MYOCD: variants seen among roughly 807,000 people sequenced by gnomAD.
MYOCD encodes myocardin.
Under a neutral mutation model 96.1 loss-of-function variants are expected in MYOCD, and 32 were observed. That is an observed-to-expected ratio of 0.33 (90% CI 0.25 to 0.45). MYOCD has a LOEUF of 0.45. Among genes scored for constraint, MYOCD ranks in the 20% least tolerant of loss-of-function variants. The pLI is 1.00. For missense variants in MYOCD, 1,133 were observed against 1,200.6 expected (o/e 0.94, Z 0.83); for synonymous variants, 469 against 469.0 (o/e 1.00, Z 0.00).
intron 9 of MYOCD, among the ~76,000 whole-genome samples, chr17:12,751,403 T>G (rs1029677643): frequency 2.0e-5 from 3 of 152,274 alleles, no homozygotes; most frequent in Middle Eastern, 3.4e-3. Flanking sequence ...CAAATATTTA[T>G]AGCATCAGCT....
chr17:12,666,011 G>C lies in MYOCD; in HGVS notation c.-178G>C, dbSNP rs928787729. The C allele has an allele frequency of 5.4e-6, 3 of 552,234 alleles. No homozygotes were observed. The highest frequency in any genetic ancestry group is 9.7e-6 in the Non-Finnish European group (3 of 309,836). 34.2% of individuals were successfully genotyped at this position (552,234 alleles called of 1,614,324 possible). ...GTTAATTAGCCCCGCACGGCGAGGGGGGAGGCGCCAGTTTTCTGGGGACAC... is the reference window on the plus strand; with the variant it reads ...GTTAATTAGCCCCGCACGGCGAGGGCGGAGGCGCCAGTTTTCTGGGGACAC... On this transcript the variant is annotated 5_prime_UTR_variant, in exon 1 of 14. Coordinates refer to ENST00000425538, the MANE Select transcript of MYOCD (RefSeq NM_001146312.3).
At position 12,753,283 on chromosome 17, in the gene MYOCD, C is replaced by A; in HGVS notation, c.1995C>A (p.Ser665=). The A allele has an allele frequency of 6.2e-7, 1 of 1,613,538 alleles. No individual in the cohort carries two copies. ...PNNPHFLPSS[S]GAQGEGHRVS... ...ACCCTCACTTTCTGCCCTCATCCTC[C>A]GGGGCCCAGGGAGAAGGGCACAGGG... The change falls in exon 10 of 14, where the codon TCC becomes TCA. Residue 665 remains serine, a synonymous_variant. Transcript: ENST00000425538.
chr17:12,698,178 G>A (rs928958079), intron 1 of MYOCD, among the ~76,000 whole-genome samples: 1 of 152,130 alleles, frequency 6.6e-6, no homozygotes, highest in Admixed American at 6.5e-5. Context: ...CTAATGCTGC[G>A]TAACATGTAT....
chr17:12,750,090 G>A (rs949672271), intron 9 of MYOCD, among the ~76,000 whole-genome samples: 3 of 152,010 alleles, frequency 2.0e-5, no homozygotes, highest in African/African-American at 7.2e-5. Flanking sequence ...GCCCGCCTCG[G>A]CCTCCCAAAG....
chr17:12,681,627 A>G (rs867196483), intron 1 of MYOCD, among the ~76,000 whole-genome samples: 1 of 152,126 alleles, frequency 6.6e-6, no homozygotes, highest in African/African-American at 2.4e-5. Flanking sequence ...GCCTGAATTC[A>G]TATCTCTTAA....
rs371426468 is a variant in MYOCD, at chr17:12,714,697, A to G, written c.122-822A>G. Among the ~76,000 whole-genome samples the G allele has an allele frequency of 3.3e-5, 5 of 152,178 alleles. No individual in the cohort carries two copies. In the East Asian group the frequency reaches 9.6e-4, roughly 29 times the overall value. On this transcript the variant is annotated intron_variant, in intron 2 of 13. Coordinates refer to ENST00000425538, the MANE Select transcript of MYOCD (RefSeq NM_001146312.3). ...TTATTAAATCCCCATAAGAGGTGCT[A>G]TGAAGGGTGATGAGGAGGAGGTCAT...
intron 6 of MYOCD, among the ~76,000 whole-genome samples, chr17:12,738,955 A>G (rs989747550): frequency 6.6e-6 from 1 of 152,052 alleles, no homozygotes; most frequent in African/African-American, 2.4e-5. Context: ...AAGTTTATAT[A>G]TATATATGTA....
At chr17:12,725,818 A>T (rs1597784600) in intron 5 of MYOCD, among the ~76,000 whole-genome samples, 1 of 152,226 alleles carries the variant, frequency 6.6e-6, no homozygotes, top group Admixed American at 6.5e-5. Flanking sequence ...GGTATAGGAT[A>T]GATATTCTAA....
intron 1 of MYOCD, among the ~76,000 whole-genome samples, chr17:12,677,691 G>A (rs1910165429): frequency 2.0e-5 from 3 of 148,896 alleles, no homozygotes; most frequent in Admixed American, 6.7e-5. Context: ...CAGCCTGGGC[G>A]ACAGAGTGAG....
chr17:12,753,646 C>T (rs980315970), intron 10 of MYOCD, among the ~76,000 whole-genome samples: 1 of 152,158 alleles, frequency 6.6e-6, no homozygotes. Context: ...CAAAAGCAGC[C>T]ATAGATATCA....
At chr17:12,678,146 C>T (rs1285112980) in intron 1 of MYOCD, among the ~76,000 whole-genome samples, 1 of 151,978 alleles carries the variant, frequency 6.6e-6, no homozygotes, top group Non-Finnish European at 1.5e-5. Flanking sequence ...CCGCCTCAGC[C>T]TCCCAAAGTG....
chr17:12,712,667 C>T (rs191242329), intron 2 of MYOCD, among the ~76,000 whole-genome samples: 2 of 152,288 alleles, frequency 1.3e-5, no homozygotes, highest in Admixed American at 1.3e-4. Flanking sequence ...TAGCCCACAA[C>T]AAAACTCTGA....
At chr17:12,734,257 G>T (rs1461721523) in intron 5 of MYOCD, among the ~76,000 whole-genome samples, 2 of 152,126 alleles carry the variant, frequency 1.3e-5, no homozygotes, top group Non-Finnish European at 2.9e-5. Context: ...AAGTGGGCAG[G>T]GGAGGTGACA....
At chr17:12,718,267 A>G (rs981213690) in intron 4 of MYOCD, among the ~76,000 whole-genome samples, 31 of 152,146 alleles carry the variant, frequency 2.0e-4, no homozygotes, top group African/African-American at 6.5e-4. Context: ...AAAGAAAGGA[A>G]ATGCCTGGTG....
intron 1 of MYOCD, among the ~76,000 whole-genome samples, chr17:12,680,614 C>T (rs1341957131): frequency 6.6e-6 from 1 of 152,196 alleles, no homozygotes; most frequent in Non-Finnish European, 1.5e-5. Context: ...CGTGTGTGCG[C>T]GCTGTCTGCT....
At chr17:12,680,363 A>G (rs1910377765) in intron 1 of MYOCD, among the ~76,000 whole-genome samples, 1 of 152,182 alleles carries the variant, frequency 6.6e-6, no homozygotes, top group African/African-American at 2.4e-5. Flanking sequence ...TCTTACAGGG[A>G]TGGGAAACTA....
Position 12,752,479 on chromosome 17 carries a change from C to T in MYOCD, c.1191C>T (p.Leu397=). The T allele has an allele frequency of 6.2e-7, 1 of 1,614,194 alleles. No homozygotes were observed. The highest frequency in any genetic ancestry group is 8.5e-7 in the Non-Finnish European group (1 of 1,180,028). ...GLPVSGTKTA[L]MDRLRPFQDC... ...CTGTGTCAGGCACCAAAACGGCTCTCATGGACCGGCTTCGACCCTTCCAGG... is the reference window on the plus strand; with the variant it reads ...CTGTGTCAGGCACCAAAACGGCTCTTATGGACCGGCTTCGACCCTTCCAGG... The change falls in exon 10 of 14, where the codon CTC becomes CTT. Residue 397 remains leucine (L), a synonymous_variant. Coordinates refer to ENST00000425538, the MANE Select transcript of MYOCD (RefSeq NM_001146312.3).
intron 4 of MYOCD, among the ~76,000 whole-genome samples, chr17:12,717,632 G>C (rs187220743): frequency 1.3e-5 from 2 of 152,318 alleles, no homozygotes; most frequent in Admixed American, 1.3e-4. Context: ...TAGAGACTTG[G>C]GCTCTAATCT....
intron 1 of MYOCD, among the ~76,000 whole-genome samples, chr17:12,679,112 C>A (rs1910288778): frequency 6.6e-6 from 1 of 152,136 alleles, no homozygotes; most frequent in African/African-American, 2.4e-5. Context: ...AATGCGCAGC[C>A]CAAGGGAACA....
Sources: allele counts gnomAD v4.1 joint callset (sites outside exome capture counted in the v4.1 genomes callset), GRCh38; gene constraint gnomAD v4.1.1; transcripts MANE v1.5; gene names NCBI Gene and HGNC (gene_info 2026-07-23, HGNC 2026-07-21).